Variants in SESTD1 observed in about 807,000 individuals in gnomAD.
The protein encoded by SESTD1 is SEC14 domain and spectrin repeat-containing protein 1.
SESTD1 carries 43 observed loss-of-function variants against 101.7 expected under a neutral mutation model. The ratio of observed to expected loss-of-function variants is 0.42; its 90% CI spans 0.33 to 0.55. The LOEUF (loss-of-function observed/expected upper bound fraction) is 0.55. SESTD1 is among the 20% of genes least tolerant of loss of function. The probability of loss-of-function intolerance (pLI) is 0.07; values close to 1 mark genes in which losing one functional copy is unlikely to be tolerated. For synonymous variants in SESTD1, 283 were observed against 286.8 expected (o/e 0.99, Z 0.13); for missense variants, 647 against 815.1 (o/e 0.79, Z 2.51).
At chr2:179,232,855 T>C (rs2047006692) in intron 1 of SESTD1, among the ~76,000 whole-genome samples, 1 of 152,140 alleles carries the variant, frequency 6.6e-6, no homozygotes, top group Non-Finnish European at 1.5e-5. Context: ...AAGAACTATA[T>C]ACATGAGAAA....
intron 1 of SESTD1, among the ~76,000 whole-genome samples, chr2:179,240,612 GCAGTC>G (rs1173088254): frequency 8.5e-5 from 13 of 152,138 alleles, no homozygotes; most frequent in Non-Finnish European, 1.9e-4. Flanking sequence ...CCAGGAAGGA[GCAGTC>G]CAGCAAGAAA....
chr2:179,189,874 C>A (rs919256912), intron 2 of SESTD1, among the ~76,000 whole-genome samples: 1 of 151,842 alleles, frequency 6.6e-6, no homozygotes, highest in Non-Finnish European at 1.5e-5. Flanking sequence ...GTGAAAGATA[C>A]CTACAAAGAG....
intron 2 of SESTD1, among the ~76,000 whole-genome samples, chr2:179,183,568 A>G (rs1328918129): frequency 6.6e-6 from 1 of 152,092 alleles, no homozygotes; most frequent in Non-Finnish European, 1.5e-5. Context: ...AGGAGATAAG[A>G]AATATGATAG....
intron 1 of SESTD1, among the ~76,000 whole-genome samples, chr2:179,251,608 T>C (rs1201490641): frequency 3.9e-5 from 6 of 152,194 alleles, no homozygotes. Flanking sequence ...CACTATAGAC[T>C]GAATGTTTGT....
intron 1 of SESTD1, among the ~76,000 whole-genome samples, chr2:179,196,912 C>T (rs2046407106): frequency 6.6e-6 from 1 of 152,210 alleles, no homozygotes; most frequent in Admixed American, 6.5e-5. Context: ...TCTCCTCCTC[C>T]AAAGGAACGC....
chr2:179,223,527 C>T (rs114738535), intron 1 of SESTD1, among the ~76,000 whole-genome samples: 553 of 151,562 alleles, frequency 3.6e-3, no homozygotes, highest in Non-Finnish European at 6.1e-3. Context: ...AAATGATGTA[C>T]ACTTTATTAA....
chr2:179,195,941 A>C (rs946969551), intron 1 of SESTD1, among the ~76,000 whole-genome samples: 3 of 152,130 alleles, frequency 2.0e-5, no homozygotes, highest in East Asian at 1.9e-4. Context: ...AGACAGAGGA[A>C]TGTGGGAGGA....
chr2:179,199,418 C>T (rs2046464792), intron 1 of SESTD1, among the ~76,000 whole-genome samples: 1 of 152,090 alleles, frequency 6.6e-6, no homozygotes, highest in Admixed American at 6.5e-5. Flanking sequence ...CTATTCCAAT[C>T]AATAGAAAAA....
chr2:179,143,753 C>T lies in SESTD1; in HGVS notation c.688G>A (p.Gly230Arg), dbSNP rs758525041. 19 of 1,613,934 alleles carry T rather than the reference C, an allele frequency of 1.2e-5. No individual in the cohort carries two copies. The South Asian group carries it at 1.2e-4, about 10-fold the overall frequency. The change falls in exon 9 of 18, where the codon GGA becomes AGA. Residue 230 changes from glycine (G) to arginine (R), a missense_variant. By Grantham distance (125) the Gly-to-Arg change is moderately radical. This residue lies in a region of SESTD1 where 476 missense variants were observed against 562.6 expected (regional missense o/e 0.85). Coordinates refer to ENST00000428443, the MANE Select transcript of SESTD1 (RefSeq NM_178123.5). The stretch of plus-strand genomic sequence containing the variant: ...TCCATAGGAGACCATGAAACCCCTC[C>T]GTCTGAGCCATTAAATCGACGCTGC... ...LQQRRFNGSD[G>R]GVSWSPMDDE... is the part of the protein sequence containing the mutation.
chr2:179,241,889 T>C (rs1300269229), intron 1 of SESTD1, among the ~76,000 whole-genome samples: 1 of 143,702 alleles, frequency 7.0e-6, no homozygotes, highest in African/African-American at 2.6e-5. Context: ...GCCATTGCAC[T>C]CCAGCCTGGG....
At chr2:179,137,884 C>A (rs2045188087) in intron 9 of SESTD1, among the ~76,000 whole-genome samples, 1 of 152,110 alleles carries the variant, frequency 6.6e-6, no homozygotes, top group Admixed American at 6.6e-5. Context: ...AAAAAATTTT[C>A]ACATTTTCAT....
chr2:179,139,972 A>G (rs1346321819), intron 9 of SESTD1, among the ~76,000 whole-genome samples: 1 of 152,182 alleles, frequency 6.6e-6, no homozygotes, highest in African/African-American at 2.4e-5. Context: ...TCATGGTCCT[A>G]TGGTAATCCT....
At chr2:179,130,834 A>G (rs953272524) in intron 10 of SESTD1, among the ~76,000 whole-genome samples, 1 of 152,060 alleles carries the variant, frequency 6.6e-6, no homozygotes, top group African/African-American at 2.4e-5. Flanking sequence ...ACAGTCTACC[A>G]GGTTCAAACA....
intron 14 of SESTD1, 93 bp downstream of exon 14, chr2:179,117,439 T>C: frequency 8.6e-7 from 1 of 1,161,588 alleles, no homozygotes; most frequent in South Asian, 1.5e-5. Context: ...ATTTACTTTT[T>C]TAGGACCATG....
chr2:179,254,776 A>C (rs1399506136), intron 1 of SESTD1, among the ~76,000 whole-genome samples: 1 of 152,226 alleles, frequency 6.6e-6, no homozygotes, highest in Non-Finnish European at 1.5e-5. Context: ...TTACATGCAT[A>C]TCTCACTTTA....
intron 1 of SESTD1, among the ~76,000 whole-genome samples, chr2:179,247,410 G>GTTTGTT (rs527647927): frequency 2.6e-4 from 40 of 151,890 alleles, no homozygotes; most frequent in East Asian, 1.9e-4. Flanking sequence ...CAAATATTTT[G>GTTTGTT]TTTGTTTTTG....
Position 179,204,030 on chromosome 2 carries a change from T to C in SESTD1, c.-25-12164A>G, listed in dbSNP as rs554199397. Among the ~76,000 whole-genome samples, 6 of 135,416 alleles carry C rather than the reference T, an allele frequency of 4.4e-5. 2 individuals are homozygous for C. In the South Asian group the frequency reaches 8.5e-4, roughly 19 times the overall value. 88.8% of individuals were successfully genotyped at this position (135,416 alleles called of 152,430 possible). On this transcript the variant is annotated intron_variant, in intron 1 of 17. Transcript: ENST00000428443. ...ACTGGGTTGTAGGACACCCAGGTGG[T>C]ATCTGGAGAGCTGGAGAATTGATTG... is the stretch of plus-strand genomic sequence containing the variant.
rs2046087893 is a variant in SESTD1, at chr2:179,180,395, GAGATGTTGGC to G, written c.164+2675_164+2684del. Reference sequence around the variant, plus strand: ...GCTACCTTAGCTAGCTACACTGCTGGAGATGTTGGCAGATGTTCACAGCTGGAAGGAGTTA... The same window carrying G: ...GCTACCTTAGCTAGCTACACTGCTGGAGATGTTCACAGCTGGAAGGAGTTA... On this transcript the variant is annotated intron_variant, in intron 3 of 17. Coordinates refer to ENST00000428443, the MANE Select transcript of SESTD1 (RefSeq NM_178123.5). Among the ~76,000 whole-genome samples, 5 of 152,258 alleles carry G rather than the reference GAGATGTTGGC, an allele frequency of 3.3e-5. No individual in the cohort carries two copies. The South Asian group carries it at 1.0e-3, about 32-fold the overall frequency.
chr2:179,121,862 G>A lies in SESTD1; in HGVS notation c.1350C>T (p.Ser450=), dbSNP rs147276383. Residue 450 remains serine, a synonymous_variant, in exon 13 of 18, where the codon TCC becomes TCT. Transcript: ENST00000428443. ...TGGTTACATCCTTTCCATAGGCCCAGGATGCCTGATTGGAGATCTGATCCA... is the reference window on the plus strand; with the variant it reads ...TGGTTACATCCTTTCCATAGGCCCAAGATGCCTGATTGGAGATCTGATCCA... ...GLLDQISNQA[S]WAYGKDVTIE... 2 of 1,609,522 alleles carry A rather than the reference G, an allele frequency of 1.2e-6. No individual in the cohort carries two copies. Among genetic ancestry groups the A allele is most frequent in the African/African-American group, 1.3e-5 (1 of 74,532 alleles).
Sources: gnomAD v4.1 joint callset for allele counts (sites outside exome capture counted in the v4.1 genomes callset) on GRCh38, gnomAD v4.1.1 for gene constraint, gnomAD v4.1.1 regional missense constraint, MANE v1.5 for transcripts, NCBI Gene and HGNC (gene_info 2026-07-23, HGNC 2026-07-21) for gene names.